Variants in ANKH observed in about 807,000 individuals in gnomAD.
ANKH encodes the protein ANKH inorganic pyrophosphate transport regulator, also known as mineralization regulator ANKH.
ANKH carries 15 observed loss-of-function variants against 49.0 expected under a neutral mutation model. The ratio of observed to expected loss-of-function variants is 0.31; its 90% CI spans 0.20 to 0.47. The LOEUF is 0.47. Among genes scored for constraint, ANKH ranks in the 20% least tolerant of loss-of-function variants. ANKH has a pLI of 1.00. For missense variants in ANKH, 429 were observed against 652.0 expected, an observed-to-expected ratio of 0.66 and a Z score of 3.72; for synonymous variants, 273 against 260.0, an observed-to-expected ratio of 1.05 and a Z score of -0.48.
intron 2 of ANKH, among the ~76,000 whole-genome samples, chr5:14,762,009 C>T (rs1739101775): frequency 6.6e-6 from 1 of 152,116 alleles, no homozygotes; most frequent in South Asian, 2.1e-4. Context: ...AGGTGATCCA[C>T]CTGCCTCAGC....
rs183834031 is a variant in ANKH, at chr5:14,804,911, G to A, written c.97-35720C>T. 2.6e-5 allele frequency among the ~76,000 whole-genome samples: 4 copies of A among 152,278 alleles called. No individual in the cohort carries two copies. In the East Asian group the frequency reaches 5.8e-4, roughly 22 times the overall value. On this transcript the variant is annotated intron_variant, in intron 1 of 11. Transcript: ENST00000284268. Reference sequence around the variant, plus strand: ...CTGATGGCCTCTAAGGTCCTCCAACGACGTGATTCTCAATGTATTTGTATG... The same window carrying A: ...CTGATGGCCTCTAAGGTCCTCCAACAACGTGATTCTCAATGTATTTGTATG...
chr5:14,823,611 A>G (rs1741256178), intron 1 of ANKH, among the ~76,000 whole-genome samples: 1 of 152,224 alleles, frequency 6.6e-6, no homozygotes, highest in African/African-American at 2.4e-5. Context: ...CCTCTTACGC[A>G]TGAGAAGTCA....
intron 1 of ANKH, among the ~76,000 whole-genome samples, chr5:14,861,896 C>T (rs1467080514): frequency 6.6e-6 from 1 of 152,188 alleles, no homozygotes; most frequent in Non-Finnish European, 1.5e-5. Context: ...CCAACCTTTG[C>T]CCTGACAAAT....
chr5:14,779,368 G>A (rs529789022), intron 1 of ANKH, among the ~76,000 whole-genome samples: 3 of 152,210 alleles, frequency 2.0e-5, no homozygotes, highest in South Asian at 2.1e-4. Flanking sequence ...GACTCCCAAC[G>A]TCCTCTAGTT....
chr5:14,709,418 G>A lies in ANKH; in HGVS notation c.*1779C>T, dbSNP rs546622628. On this transcript the variant is annotated 3_prime_UTR_variant, in exon 12 of 12. Transcript: ENST00000284268. Reference sequence around the variant, plus strand: ...TTAATGGAGGAAAAGCCACTCTGAGGAAGCACGCCAAGGACATGTCCCCAC... The same window carrying A: ...TTAATGGAGGAAAAGCCACTCTGAGAAAGCACGCCAAGGACATGTCCCCAC... 2.0e-5 allele frequency: 3 copies of A among 152,300 alleles called. No individual in the cohort carries two copies. In the East Asian group the frequency reaches 5.8e-4, roughly 29 times the overall value. 9.4% of individuals were successfully genotyped at this position (152,300 alleles called of 1,614,324 possible). A position where few individuals can be genotyped will look rare whatever the true frequency, so the allele number is the denominator to read the frequency against.
chr5:14,777,353 T>C (rs1739659514), intron 1 of ANKH, among the ~76,000 whole-genome samples: 1 of 152,152 alleles, frequency 6.6e-6, no homozygotes, highest in Admixed American at 6.6e-5. Context: ...GAGTGAGTCA[T>C]GCAAGCCCTT....
At chr5:14,815,763 C>T (rs1337096936) in intron 1 of ANKH, among the ~76,000 whole-genome samples, 4 of 152,208 alleles carry the variant, frequency 2.6e-5, no homozygotes, top group African/African-American at 9.7e-5. Flanking sequence ...ACAGACACGA[C>T]CACAAGTGTC....
intron 1 of ANKH, among the ~76,000 whole-genome samples, chr5:14,848,758 C>A (rs1341314600): frequency 6.6e-6 from 1 of 152,226 alleles, no homozygotes; most frequent in East Asian, 1.9e-4. Context: ...ATAGAGCTAA[C>A]AGAGCTATAA....
intron 1 of ANKH, among the ~76,000 whole-genome samples, chr5:14,863,382 C>T (rs898393239): frequency 1.3e-5 from 2 of 152,154 alleles, no homozygotes; most frequent in Non-Finnish European, 2.9e-5. Flanking sequence ...GCACAATGGA[C>T]ATTCACAGCC....
At chr5:14,858,070 A>G (rs1287076805) in intron 1 of ANKH, among the ~76,000 whole-genome samples, 2 of 152,264 alleles carry the variant, frequency 1.3e-5, no homozygotes, top group African/African-American at 4.8e-5. Flanking sequence ...TTGGTTAAAT[A>G]AATGATGGAA....
chr5:14,830,405 G>C (rs1227315201), intron 1 of ANKH, among the ~76,000 whole-genome samples: 1 of 152,050 alleles, frequency 6.6e-6, no homozygotes, highest in Non-Finnish European at 1.5e-5. Context: ...TCCAGTGCTG[G>C]GAAGAGTCCA....
At chr5:14,861,952 G>C (rs1030041881) in intron 1 of ANKH, among the ~76,000 whole-genome samples, 2 of 152,108 alleles carry the variant, frequency 1.3e-5, no homozygotes, top group Admixed American at 6.6e-5. Flanking sequence ...GAGTACTTTT[G>C]GGGCTGAGCA....
chr5:14,805,678 C>T (rs1181548519), intron 1 of ANKH, among the ~76,000 whole-genome samples: 3 of 151,884 alleles, frequency 2.0e-5, no homozygotes, highest in Non-Finnish European at 4.4e-5. Context: ...CCAATCCATA[C>T]ATTTCTTTCC....
intron 4 of ANKH, among the ~76,000 whole-genome samples, chr5:14,752,430 G>A (rs757380654): frequency 2.0e-5 from 3 of 152,118 alleles, no homozygotes; most frequent in African/African-American, 4.8e-5. Context: ...CAGAGTGAGA[G>A]AATGAAATTA....
In ANKH at chr5:14,871,466, A is replaced by G; in HGVS notation, c.-19T>C. On this transcript the variant is annotated 5_prime_UTR_variant, in exon 1 of 12. Transcript: ENST00000284268. ...TCACCATAGTCCCCGCCGTGGGCTGACCCCACACACATCTGCTGCCGCGAG... is the reference window on the plus strand; with the variant it reads ...TCACCATAGTCCCCGCCGTGGGCTGGCCCCACACACATCTGCTGCCGCGAG... 1 of 1,600,792 alleles carries G rather than the reference A, an allele frequency of 6.2e-7. No homozygotes were observed. Among genetic ancestry groups the G allele is most frequent in the Non-Finnish European group, 8.5e-7 (1 of 1,170,548 alleles).
intron 8 of ANKH, among the ~76,000 whole-genome samples, chr5:14,718,662 T>G (rs1310963021): frequency 6.6e-6 from 1 of 151,694 alleles, no homozygotes; most frequent in African/African-American, 2.4e-5. Context: ...AATACAAAAT[T>G]AACCGGGCAT....
intron 1 of ANKH, among the ~76,000 whole-genome samples, chr5:14,804,644 G>T (rs1740652268): frequency 6.6e-6 from 1 of 152,214 alleles, no homozygotes; most frequent in African/African-American, 2.4e-5. Context: ...AGAATAAAAT[G>T]TTGTGAAACC....
intron 4 of ANKH, among the ~76,000 whole-genome samples, chr5:14,755,507 G>T (rs1196616058): frequency 2.6e-5 from 4 of 152,140 alleles, no homozygotes; most frequent in African/African-American, 9.7e-5. Flanking sequence ...CCACGCAGAG[G>T]GCACCCAGGC....
At chr5:14,721,656 G>C (rs1182684561) in intron 8 of ANKH, among the ~76,000 whole-genome samples, 1 of 152,168 alleles carries the variant, frequency 6.6e-6, no homozygotes, top group Admixed American at 6.5e-5. Context: ...GGTGAGCTGG[G>C]CGTGGTGGCT....
Sources: allele counts gnomAD v4.1 joint callset (sites outside exome capture counted in the v4.1 genomes callset), GRCh38; gene constraint gnomAD v4.1.1; transcripts MANE v1.5; gene names NCBI Gene and HGNC (gene_info 2026-07-23, HGNC 2026-07-21).